The following TFG variants were observed in gnomAD, a reference collection of about 807,000 sequenced individuals.
TFG encodes protein TFG.
A neutral mutation model predicts 51.4 loss-of-function variants in TFG; 22 were observed. That is an observed-to-expected ratio of 0.43 (90% CI 0.31 to 0.61). TFG has a LOEUF of 0.61. TFG is among the 20% of genes least tolerant of loss of function. TFG has a pLI of 0.12. For missense variants in TFG, 419 were observed against 487.7 expected (o/e 0.86, Z 1.33); for synonymous variants, 187 against 165.6 (o/e 1.13, Z -0.99).
chr3:100,739,967 G>A (rs532417370), intron 6 of TFG, among the ~76,000 whole-genome samples: 2 of 152,040 alleles, frequency 1.3e-5, no homozygotes, highest in African/African-American at 4.8e-5. Flanking sequence ...TAATGTCAAC[G>A]TGTGCTAGTC....
chr3:100,725,329 C>CTTGGG (rs2095072220), intron 3 of TFG, among the ~76,000 whole-genome samples: 1 of 151,954 alleles, frequency 6.6e-6, no homozygotes, highest in Non-Finnish European at 1.5e-5. Flanking sequence ...ACAAAAGATA[C>CTTGGG]TTGGGATAAA....
intron 6 of TFG, among the ~76,000 whole-genome samples, chr3:100,739,005 A>G (rs2095114282): frequency 6.6e-6 from 1 of 152,340 alleles, no homozygotes; most frequent in East Asian, 1.9e-4. Flanking sequence ...CAAACAAGCC[A>G]CATTTCAGGT....
chr3:100,744,696 T>G (rs1471728094), intron 6 of TFG, 137 bp from the exon 7 acceptor site: 1 of 562,188 alleles, frequency 1.8e-6, no homozygotes, highest in Non-Finnish European at 3.2e-6. Flanking sequence ...CATAGACATT[T>G]AAAGTTGAAC....
At chr3:100,724,567 T>C (rs1459767662) in intron 3 of TFG, among the ~76,000 whole-genome samples, 1 of 152,188 alleles carries the variant, frequency 6.6e-6, no homozygotes, top group Non-Finnish European at 1.5e-5. Context: ...TACAAACTAT[T>C]CAAGAGCATA....
Position 100,732,539 on chromosome 3 carries a change from T to C in TFG, c.447T>C (p.Ala149=), listed in dbSNP as rs745741115. ...DTVDGREEKS[A]SDSSGKQSTQ... ...TGGATGGTAGGGAAGAAAAGTCTGC[T>C]TCTGATTCTTCTGGAAAACAGTCTA... is the stretch of plus-strand genomic sequence containing the variant. The change falls in exon 5 of 8, where the codon GCT becomes GCC. Residue 149 remains alanine, a synonymous_variant. Coordinates refer to ENST00000240851, the MANE Select transcript of TFG (RefSeq NM_006070.6). 3.7e-6 allele frequency: 6 copies of C among 1,611,964 alleles called. 1 individual carries two copies. The South Asian group carries it at 5.5e-5, about 15-fold the overall frequency.
intron 4 of TFG, among the ~76,000 whole-genome samples, chr3:100,730,174 A>G (rs1300008466): frequency 2.6e-5 from 4 of 152,218 alleles, no homozygotes; most frequent in African/African-American, 9.7e-5. Flanking sequence ...GCAGAATATT[A>G]AGAAGTGTAG....
chr3:100,747,543 G>T (rs2095141857), intron 7 of TFG: 1 of 152,360 alleles, frequency 6.6e-6, no homozygotes, highest in Non-Finnish European at 1.5e-5. Context: ...GAATATAGAT[G>T]TTGCTTTTTA....
At chr3:100,733,898 G>A (rs1235637926) in intron 5 of TFG, among the ~76,000 whole-genome samples, 6 of 152,160 alleles carry the variant, frequency 3.9e-5, no homozygotes, top group Non-Finnish European at 7.3e-5. Flanking sequence ...TATTCAGTGA[G>A]GTAAAGGCAG....
intron 3 of TFG, 133 bp downstream of exon 3, chr3:100,720,191 AGTT>A (rs763922142): frequency 4.2e-5 from 23 of 549,496 alleles, no homozygotes; most frequent in African/African-American, 8.0e-5. Context: ...GTGTTCAGGT[AGTT>A]GTTTTAGATT....
At position 100,713,570 on chromosome 3, in the gene TFG, C is replaced by A. The variant is rs2095036865; in HGVS notation, c.-43-73C>A. 9 of 605,132 alleles carry A rather than the reference C, an allele frequency of 1.5e-5. No individual in the cohort carries two copies. In the South Asian group the frequency reaches 3.7e-4, roughly 25 times the overall value. The allele number at this position is 605,132 out of a possible 1,614,324, so 37.5% of individuals were successfully genotyped here. Reference sequence around the variant, plus strand: ...TCTTTTGGAGGCTAGAGTTTCTTAGCATCTAATAGTAGCTTTGCTCTCAAC... The same window carrying A: ...TCTTTTGGAGGCTAGAGTTTCTTAGAATCTAATAGTAGCTTTGCTCTCAAC... On this transcript the variant is annotated intron_variant, in intron 1 of 7. Transcript: ENST00000240851.
At chr3:100,720,417 C>G (rs1039400073) in intron 3 of TFG, among the ~76,000 whole-genome samples, 2 of 152,220 alleles carry the variant, frequency 1.3e-5, no homozygotes, top group South Asian at 2.1e-4. Flanking sequence ...CAGGGCTTAA[C>G]ATGTAAGTCT....
At chr3:100,716,627 T>C (rs1227312601) in intron 2 of TFG, among the ~76,000 whole-genome samples, 1 of 152,232 alleles carries the variant, frequency 6.6e-6, no homozygotes, top group Non-Finnish European at 1.5e-5. Context: ...CTGTTCTCCC[T>C]AGTGGCTGTA....
At chr3:100,713,923 A>AGACAG in intron 2 of TFG, 54 bp downstream of exon 2, 3 of 1,193,010 alleles carry the variant, frequency 2.5e-6, no homozygotes, top group Non-Finnish European at 2.3e-6. Flanking sequence ...AAAAAAAAAA[A>AGACAG]AGACAGAGCC....
At chr3:100,709,827 A>C (rs1576349430) in intron 1 of TFG, 106 bp downstream of exon 1, 1 of 136,532 alleles carries the variant, frequency 7.3e-6, no homozygotes, top group Non-Finnish European at 1.6e-5. Context: ...CTGGGGTCGG[A>C]GGCACTGTGG....
chr3:100,731,469 A>G (rs1403233505), intron 4 of TFG, among the ~76,000 whole-genome samples: 1 of 152,198 alleles, frequency 6.6e-6, no homozygotes, highest in Non-Finnish European at 1.5e-5. Flanking sequence ...TGTTTTAAAC[A>G]TTTTATTATA....
At chr3:100,721,488 A>T (rs1279705470) in intron 3 of TFG, among the ~76,000 whole-genome samples, 1 of 152,216 alleles carries the variant, frequency 6.6e-6, no homozygotes, top group South Asian at 2.1e-4. Context: ...GGGAAAGTCA[A>T]GGAAGCTTAA....
intron 2 of TFG, among the ~76,000 whole-genome samples, chr3:100,718,275 CTG>C (rs149039595): frequency 0.026 from 4,005 of 152,296 alleles, 174 homozygotes; most frequent in African/African-American, 0.091. Flanking sequence ...TTATCTCAAA[CTG>C]ACCTCATTGA....
chr3:100,741,502 T>C (rs968450274), intron 6 of TFG, among the ~76,000 whole-genome samples: 4 of 152,174 alleles, frequency 2.6e-5, no homozygotes, highest in African/African-American at 9.7e-5. Context: ...TAAGCTAAAG[T>C]ATTAAAAAAG....
Position 100,736,570 on chromosome 3 carries a change from A to G in TFG, c.581-6A>G, listed in dbSNP as rs369615915. 3.1e-6 allele frequency: 5 copies of G among 1,613,554 alleles called. No individual in the cohort carries two copies. Among genetic ancestry groups the G allele is most frequent in the Admixed American group, 1.7e-5 (1 of 59,824 alleles). ...ATACTAAACTGACTTTTTTTTGACTATCCAGGGCCACCCAGTGCTCCTGCA... is the reference window on the plus strand; with the variant it reads ...ATACTAAACTGACTTTTTTTTGACTGTCCAGGGCCACCCAGTGCTCCTGCA... On this transcript the variant is annotated splice_region_variant and splice_polypyrimidine_tract_variant and intron_variant, in intron 5 of 7. Transcript: ENST00000240851.
Sources: gnomAD v4.1 joint callset for allele counts (sites outside exome capture counted in the v4.1 genomes callset) on GRCh38, gnomAD v4.1.1 for gene constraint, MANE v1.5 for transcripts, NCBI Gene and HGNC (gene_info 2026-07-23, HGNC 2026-07-21) for gene names.